Variants in FMNL2 observed in about 807,000 individuals in gnomAD.
FMNL2 encodes the protein formin like 2, also known as formin-like protein 2.
In FMNL2, 51 loss-of-function variants were observed where a neutral mutation model predicts 130.2. The observed-to-expected ratio is 0.39, with a 90% CI of 0.31 to 0.49. The LOEUF (loss-of-function observed/expected upper bound fraction) is 0.49, where lower values mean the gene tolerates loss of function less well. Ranked by LOEUF, FMNL2 falls within the 20% of genes least tolerant of loss-of-function variation. The pLI is 0.85. For synonymous variants in FMNL2, 465 were observed against 467.1 expected (o/e 1.00, Z 0.06); for missense variants, 977 against 1,316.2 (o/e 0.74, Z 3.99).
At chr2:152,567,374 G>A (rs779954343) in intron 6 of FMNL2, among the ~76,000 whole-genome samples, 1 of 152,172 alleles carries the variant, frequency 6.6e-6, no homozygotes, top group Non-Finnish European at 1.5e-5. Context: ...CTAATGGGAC[G>A]TATAGACAGC....
intron 1 of FMNL2, among the ~76,000 whole-genome samples, chr2:152,388,544 A>G (rs1479148749): frequency 6.6e-6 from 1 of 152,114 alleles, no homozygotes; most frequent in East Asian, 1.9e-4. Context: ...AGTCCCTCCC[A>G]TGACATGTGG....
chr2:152,555,895 G>C (rs1695177866), intron 4 of FMNL2, among the ~76,000 whole-genome samples: 2 of 152,206 alleles, frequency 1.3e-5, no homozygotes, highest in Non-Finnish European at 2.9e-5. Context: ...TTTGCTATGG[G>C]AACCCTGAAT....
intron 1 of FMNL2, among the ~76,000 whole-genome samples, chr2:152,377,283 CTA>C (rs1009561588): frequency 5.3e-5 from 8 of 152,220 alleles, no homozygotes; most frequent in African/African-American, 1.9e-4. Context: ...CTGTTGGTAT[CTA>C]TTTGATTTTG....
intron 25 of FMNL2, among the ~76,000 whole-genome samples, chr2:152,641,708 G>GT (rs1683097444): frequency 6.6e-6 from 1 of 152,048 alleles, no homozygotes; most frequent in Non-Finnish European, 1.5e-5. Context: ...CTTGTTACAT[G>GT]TACACTCTAC....
At chr2:152,429,761 G>A (rs947606721) in intron 1 of FMNL2, among the ~76,000 whole-genome samples, 2 of 152,072 alleles carry the variant, frequency 1.3e-5, no homozygotes, top group African/African-American at 4.8e-5. Flanking sequence ...GTATGATGGG[G>A]ATCTAAGACC....
rs766895647 is a variant in FMNL2, at chr2:152,335,573, G to C, written c.-31G>C. On this transcript the variant is annotated 5_prime_UTR_variant, in exon 1 of 26. Transcript: ENST00000288670. Reference sequence around the variant, plus strand: ...TTCCGACGCGCACGCTAGGGGCCCGGAGCAGCCCCCGGCCCCGGCGCGCCG... The same window carrying C: ...TTCCGACGCGCACGCTAGGGGCCCGCAGCAGCCCCCGGCCCCGGCGCGCCG... The C allele has an allele frequency of 1.9e-6, 3 of 1,561,562 alleles. No individual in the cohort carries two copies. Among genetic ancestry groups the C allele is most frequent in the Non-Finnish European group, 1.7e-6 (2 of 1,149,764 alleles).
intron 9 of FMNL2, among the ~76,000 whole-genome samples, chr2:152,587,419 T>C (rs1580023520): frequency 1.3e-5 from 2 of 152,226 alleles, no homozygotes; most frequent in African/African-American, 2.4e-5. Context: ...CCTCAGTAAC[T>C]GTATGAGATT....
chr2:152,553,936 A>G (rs1045338174), intron 4 of FMNL2, among the ~76,000 whole-genome samples: 3 of 152,138 alleles, frequency 2.0e-5, no homozygotes, highest in African/African-American at 4.8e-5. Flanking sequence ...ATTGATGTAT[A>G]TGTAGAAAAT....
chr2:152,456,935 T>TAA (rs1558878838), intron 1 of FMNL2, among the ~76,000 whole-genome samples: 4 of 130,712 alleles, frequency 3.1e-5, no homozygotes, highest in African/African-American at 1.3e-4. Context: ...AGACTCCCTT[T>TAA]CAAAAAAAAA....
Position 152,647,888 on chromosome 2 carries a change from G to A in FMNL2, c.3262G>A (p.Ala1088Thr), listed in dbSNP as rs1051774428. 9 of 1,613,054 alleles carry A rather than the reference G, an allele frequency of 5.6e-6. No homozygotes were observed. In the East Asian group the frequency reaches 1.8e-4, roughly 32 times the overall value. Residue 1088 changes from alanine to threonine, a missense_variant, in exon 26 of 26, where the codon GCC becomes ACC. Around this residue, in one of 4 missense-constraint regions of FMNL2, gnomAD observed 168 missense variants for 168.8 expected, o/e 1.00. Transcript: ENST00000288670. ...DDQNLRSVNG[A>T]EITM ...TCAGAACTTGCGTTCTGTTAATGGT[G>A]CCGAAATAACAATGTGAACCTGAGA...
At chr2:152,570,496 GC>G (rs759931085) in intron 6 of FMNL2, among the ~76,000 whole-genome samples, 75 of 152,166 alleles carry the variant, frequency 4.9e-4, no homozygotes, top group South Asian at 2.5e-3. Context: ...TCTCTGGGAA[GC>G]CCTTCTTTTG....
chr2:152,634,756 G>A (rs1011489968), intron 21 of FMNL2, among the ~76,000 whole-genome samples: 2 of 152,326 alleles, frequency 1.3e-5, no homozygotes, highest in South Asian at 2.1e-4. Context: ...GGGTGTTGTC[G>A]TGGAGAACTG....
chr2:152,336,213 G>A (rs1482409791), intron 1 of FMNL2, among the ~76,000 whole-genome samples: 1 of 152,048 alleles, frequency 6.6e-6, no homozygotes, highest in Non-Finnish European at 1.5e-5. Context: ...GGCCGCGGGC[G>A]CCGCGCCGGG....
chr2:152,616,995 C>T, intron 12 of FMNL2, 96 bp from the exon 13 acceptor site: 1 of 990,824 alleles, frequency 1.0e-6, no homozygotes, highest in Non-Finnish European at 1.5e-6. Flanking sequence ...ATGCAGGGCC[C>T]TGGTCCCTAA....
intron 1 of FMNL2, among the ~76,000 whole-genome samples, chr2:152,337,261 T>A (rs1241755825): frequency 2.6e-5 from 4 of 152,200 alleles, no homozygotes; most frequent in Non-Finnish European, 2.9e-5. Context: ...ATACTTGACC[T>A]GCTTTTCCAG....
At chr2:152,489,092 C>T (rs1353921535) in intron 1 of FMNL2, among the ~76,000 whole-genome samples, 4 of 152,156 alleles carry the variant, frequency 2.6e-5, no homozygotes, top group African/African-American at 9.7e-5. Context: ...CAAAGGATGC[C>T]TGTGGAATGG....
intron 1 of FMNL2, among the ~76,000 whole-genome samples, chr2:152,420,430 G>A (rs1270767792): frequency 1.3e-5 from 2 of 152,192 alleles, no homozygotes; most frequent in Admixed American, 6.6e-5. Flanking sequence ...CCTAGTAACT[G>A]CTTTTTGAAC....
chr2:152,351,420 C>T (rs1682476420), intron 1 of FMNL2, among the ~76,000 whole-genome samples: 1 of 152,100 alleles, frequency 6.6e-6, no homozygotes, highest in Non-Finnish European at 1.5e-5. Context: ...TCTCATTGTT[C>T]AACCCCCACT....
chr2:152,413,825 C>T (rs772582711), intron 1 of FMNL2, among the ~76,000 whole-genome samples: 4 of 152,182 alleles, frequency 2.6e-5, no homozygotes, highest in East Asian at 3.8e-4. Context: ...GTGAAAGATA[C>T]GGATACCGAT....
Sources: allele counts gnomAD v4.1 joint callset (sites outside exome capture counted in the v4.1 genomes callset), GRCh38; gene constraint gnomAD v4.1.1; regional missense constraint gnomAD v4.1.1; transcripts MANE v1.5; gene names NCBI Gene and HGNC (gene_info 2026-07-23, HGNC 2026-07-21).